The following PARD3B variants were observed in gnomAD, a reference collection of about 807,000 sequenced individuals.
The protein encoded by PARD3B is partitioning defective 3 homolog B.
PARD3B carries 103 observed loss-of-function variants against 130.2 expected under a neutral mutation model. That is an observed-to-expected ratio of 0.79 (90% CI 0.67 to 0.93). PARD3B has a LOEUF of 0.93. PARD3B is among the 40% of genes least tolerant of loss of function. PARD3B has a pLI of 0.00. For missense variants in PARD3B, 1,609 were observed against 1,499.2 expected, an observed-to-expected ratio of 1.07 and a Z score of -1.21; for synonymous variants, 583 against 553.2, an observed-to-expected ratio of 1.05 and a Z score of -0.76.
intron 2 of PARD3B, among the ~76,000 whole-genome samples, chr2:204,744,963 A>C (rs2040155342): frequency 6.6e-6 from 1 of 152,162 alleles, no homozygotes. Flanking sequence ...AAAGAAATTG[A>C]AAAAAGATAG....
At chr2:205,546,382 G>A (rs1246744000) in intron 21 of PARD3B, among the ~76,000 whole-genome samples, 1 of 151,668 alleles carries the variant, frequency 6.6e-6, no homozygotes. Flanking sequence ...GTTTCTGTCA[G>A]ACATATATTT....
chr2:204,747,185 T>C (rs1277834936), intron 2 of PARD3B, among the ~76,000 whole-genome samples: 1 of 152,206 alleles, frequency 6.6e-6, no homozygotes, highest in African/African-American at 2.4e-5. Flanking sequence ...CAGTTTCAGC[T>C]TTCTCCACAT....
intron 2 of PARD3B, among the ~76,000 whole-genome samples, chr2:204,745,833 C>G (rs1380964266): frequency 6.6e-6 from 1 of 152,062 alleles, no homozygotes; most frequent in Non-Finnish European, 1.5e-5. Flanking sequence ...AGGCCTAGCA[C>G]TATTCACTTG....
intron 2 of PARD3B, among the ~76,000 whole-genome samples, chr2:204,798,037 C>T (rs925037749): frequency 1.3e-5 from 2 of 152,170 alleles, no homozygotes; most frequent in Non-Finnish European, 2.9e-5. Flanking sequence ...GTAGGAACAA[C>T]AGATAGAACA....
At chr2:205,216,774 A>C (rs140223070) in intron 15 of PARD3B, among the ~76,000 whole-genome samples, 1 of 152,202 alleles carries the variant, frequency 6.6e-6, no homozygotes, top group Non-Finnish European at 1.5e-5. Flanking sequence ...AGCATTAGCT[A>C]CGAGCACATT....
rs1016301426 is a variant in PARD3B at position 205,591,396 on chromosome 2, T to C, written c.3261-24060T>C. 6.6e-6 allele frequency among the ~76,000 whole-genome samples: 1 copy of C among 152,150 alleles called. No homozygotes were observed. The highest frequency in any genetic ancestry group is 2.4e-5 in the African/African-American group (1 of 41,426). The stretch of plus-strand genomic sequence containing the variant: ...GAAAAGCACATGAGAAGTTATGGAA[T>C]CAAGAATAAATAAAAAGTTGGGGCA... On this transcript the variant is annotated intron_variant, in intron 22 of 22. Transcript: ENST00000406610. This position sits in a 1 kb window ranked among gnomAD's most constrained non-coding sequence, Gnocchi z 4.2.
At chr2:204,608,737 T>C (rs2033820434) in intron 1 of PARD3B, among the ~76,000 whole-genome samples, 1 of 152,150 alleles carries the variant, frequency 6.6e-6, no homozygotes, top group African/African-American at 2.4e-5. Context: ...CTCCCCCTCC[T>C]CCCTGCTCCT....
intron 2 of PARD3B, among the ~76,000 whole-genome samples, chr2:204,741,464 C>T (rs887999827): frequency 2.0e-5 from 3 of 152,108 alleles, no homozygotes; most frequent in Non-Finnish European, 4.4e-5. Context: ...GACACTAACT[C>T]TCCTCACAGA....
At chr2:205,102,141 CGCCTA>C (rs1702829208) in intron 4 of PARD3B, among the ~76,000 whole-genome samples, 1 of 152,036 alleles carries the variant, frequency 6.6e-6, no homozygotes, top group African/African-American at 2.4e-5. Context: ...ACCCTAGAAC[CGCCTA>C]GCTAAGCTAC....
rs373949698 is a variant in PARD3B at position 204,763,421 on chromosome 2, TAAATAAATTAGCTTCCTGGCTGGATTAGC to T, written c.222+77143_222+77171del. Reference sequence around the variant, plus strand: ...GGTCTGATGCATAGGCAACTTTGCCTAAATAAATTAGCTTCCTGGCTGGATTAGCAAAAGACTCAAAATTCTTCAAAATA... The same window carrying T: ...GGTCTGATGCATAGGCAACTTTGCCTAAAAGACTCAAAATTCTTCAAAATA... On this transcript the variant is annotated intron_variant, in intron 2 of 22. Transcript: ENST00000406610. Among the ~76,000 whole-genome samples the T allele has an allele frequency of 8.5e-3, 1,292 of 152,358 alleles. 11 individuals are homozygous for T. Among genetic ancestry groups the T allele is most frequent in the African/African-American group, 0.028 (1,157 of 41,580 alleles).
At chr2:204,998,358 A>ACATATATATATATATATATATATATATG (rs1694463623) in intron 3 of PARD3B, among the ~76,000 whole-genome samples, 1 of 69,874 alleles carries the variant, frequency 1.4e-5, no homozygotes, top group Admixed American at 1.8e-4. Flanking sequence ...ATATATATAT[A>ACATATATATATATATATATATATATATG]TGTGTGTGTG....
intron 22 of PARD3B, among the ~76,000 whole-genome samples, chr2:205,599,786 G>T (rs780751134): frequency 2.6e-5 from 4 of 152,178 alleles, no homozygotes; most frequent in African/African-American, 7.2e-5. Context: ...TTGGTTCTGG[G>T]TGTTGTTAGA....
chr2:204,817,185 C>T (rs938241167), intron 2 of PARD3B, among the ~76,000 whole-genome samples: 3 of 151,602 alleles, frequency 2.0e-5, no homozygotes, highest in Admixed American at 6.6e-5. Context: ...GTGAGTTCTG[C>T]GTCAGTTTTG....
At chr2:204,998,129 G>A (rs1168675205) in intron 3 of PARD3B, among the ~76,000 whole-genome samples, 3 of 148,964 alleles carry the variant, frequency 2.0e-5, no homozygotes, top group African/African-American at 4.9e-5. Context: ...AAGAATTAGA[G>A]AAGACACGGG....
intron 2 of PARD3B, among the ~76,000 whole-genome samples, chr2:204,779,480 G>A (rs940055819): frequency 6.6e-5 from 10 of 152,164 alleles, no homozygotes; most frequent in East Asian, 1.9e-4. Flanking sequence ...ATGGCAAGTC[G>A]TGTTTTACTT....
chr2:205,213,803 G>A (rs1243732378), intron 15 of PARD3B, among the ~76,000 whole-genome samples: 1 of 152,010 alleles, frequency 6.6e-6, no homozygotes, highest in Non-Finnish European at 1.5e-5. Context: ...ACCAAACACA[G>A]GAAATAAAGA....
intron 1 of PARD3B, among the ~76,000 whole-genome samples, chr2:204,553,670 A>C (rs1353009344): frequency 1.4e-5 from 1 of 70,326 alleles, no homozygotes; most frequent in Non-Finnish European, 2.9e-5. Context: ...ATATATATAT[A>C]TATATATATA....
Position 205,021,626 on chromosome 2 carries a change from CTCTT to C in PARD3B, c.395-25951_395-25948del, listed in dbSNP as rs774469968. 2.7e-4 allele frequency among the ~76,000 whole-genome samples: 34 copies of C among 125,564 alleles called. No homozygotes were observed. The highest frequency in any genetic ancestry group is 5.5e-4 in the Non-Finnish European group (32 of 58,338). 82.4% of individuals were successfully genotyped at this position (125,564 alleles called of 152,430 possible). A position where few individuals can be genotyped will look rare whatever the true frequency, so the allele number is the denominator to read the frequency against. ...TCTCTCTCTCTCTCTCTCTCCCTCTCTCTTTCTCTCTCTCTCTCTCTCTCTATAT... is the reference window on the plus strand; with the variant it reads ...TCTCTCTCTCTCTCTCTCTCCCTCTCTCTCTCTCTCTCTCTCTCTCTATAT... On this transcript the variant is annotated intron_variant, in intron 3 of 22. Coordinates refer to ENST00000406610, the MANE Select transcript of PARD3B (RefSeq NM_001302769.2). This position sits in a 1 kb window ranked among gnomAD's most constrained non-coding sequence, Gnocchi z 4.5.
At chr2:205,048,672 T>C (rs1698975309) in intron 4 of PARD3B, 1 of 152,214 alleles carries the variant, frequency 6.6e-6, no homozygotes, top group African/African-American at 2.4e-5. Flanking sequence ...TCTGATTTGG[T>C]ATAAAATATT....
Sources: allele counts gnomAD v4.1 joint callset (sites outside exome capture counted in the v4.1 genomes callset), GRCh38; gene constraint gnomAD v4.1.1; non-coding constraint Gnocchi (gnomAD v3.1); transcripts MANE v1.5; gene names NCBI Gene and HGNC (gene_info 2026-07-23, HGNC 2026-07-21).